SLC1A7: variants seen among roughly 807,000 people sequenced by gnomAD.
SLC1A7 encodes excitatory amino acid transporter 5.
A neutral mutation model predicts 47.7 loss-of-function variants in SLC1A7; 40 were observed. That is an observed-to-expected ratio of 0.84 (90% CI 0.65 to 1.09). The LOEUF (loss-of-function observed/expected upper bound fraction) is 1.09, where lower values mean the gene tolerates loss of function less well. SLC1A7 is among the 50% of genes least tolerant of loss of function. The pLI is 0.00. For missense variants in SLC1A7, 746 were observed against 769.5 expected, an observed-to-expected ratio of 0.97 and a Z score of 0.36; for synonymous variants, 323 against 325.6, an observed-to-expected ratio of 0.99 and a Z score of 0.09.
intron 5 of SLC1A7, among the ~76,000 whole-genome samples, chr1:53,094,096 C>G (rs565546235): frequency 1.3e-5 from 2 of 152,380 alleles, no homozygotes; most frequent in Non-Finnish European, 2.9e-5. Context: ...TTGCAAACTC[C>G]CATTTATTCT....
intron 1 of SLC1A7, among the ~76,000 whole-genome samples, chr1:53,136,519 T>G (rs1336847086): frequency 9.4e-6 from 1 of 106,276 alleles, no homozygotes; most frequent in Non-Finnish European, 2.0e-5. Flanking sequence ...TTAACTTTAG[T>G]CCATATATTT....
At chr1:53,115,709 T>C (rs569671725) in intron 2 of SLC1A7, 1 of 152,262 alleles carries the variant, frequency 6.6e-6, no homozygotes, top group Non-Finnish European at 1.5e-5. Context: ...ATCTGTAAAA[T>C]GGGGACATCT....
At chr1:53,140,012 T>G (rs926009218) in intron 1 of SLC1A7, among the ~76,000 whole-genome samples, 1 of 152,220 alleles carries the variant, frequency 6.6e-6, no homozygotes, top group African/African-American at 2.4e-5. Flanking sequence ...CATTCTACCA[T>G]TTTCCATATT....
chr1:53,114,952 G>A lies in SLC1A7; in HGVS notation c.237C>T (p.Ser79=). 6.2e-7 allele frequency: 1 copy of A among 1,614,000 alleles called. No individual in the cohort carries two copies. Among genetic ancestry groups the A allele is most frequent in the East Asian group, 2.2e-5 (1 of 44,872 alleles). ...VVSSLMSGLA[S]LDAKTSSRLG... is the part of the protein sequence containing the mutation. ...GGCGGCTAGAGGTCTTGGCATCCAGGGAGGCAAGTCCGGACATCAAGCTGG... is the reference window on the plus strand; with the variant it reads ...GGCGGCTAGAGGTCTTGGCATCCAGAGAGGCAAGTCCGGACATCAAGCTGG... Residue 79 remains serine, a synonymous_variant, in exon 3 of 11, where the codon TCC becomes TCT. Transcript: ENST00000371494.
intron 2 of SLC1A7, among the ~76,000 whole-genome samples, chr1:53,126,877 T>C (rs202116260): frequency 2.5e-5 from 3 of 118,896 alleles, no homozygotes; most frequent in South Asian, 5.6e-4. Flanking sequence ...TTTTTTTTTT[T>C]TATGAGATAA....
intron 5 of SLC1A7, among the ~76,000 whole-genome samples, chr1:53,101,524 C>T (rs1049753360): frequency 6.6e-6 from 1 of 151,096 alleles, no homozygotes; most frequent in Admixed American, 6.6e-5. Flanking sequence ...TCAGTACACT[C>T]ACCCTGACTC....
At chr1:53,104,732 C>T (rs1418198598) in intron 4 of SLC1A7, among the ~76,000 whole-genome samples, 1 of 152,242 alleles carries the variant, frequency 6.6e-6, no homozygotes, top group African/African-American at 2.4e-5. Flanking sequence ...ATACCTCAGC[C>T]ACTTCCTTTG....
intron 1 of SLC1A7, among the ~76,000 whole-genome samples, chr1:53,139,035 C>A (rs1037060336): frequency 1.3e-5 from 2 of 152,106 alleles, no homozygotes; most frequent in Non-Finnish European, 2.9e-5. Context: ...CATTAGAGAC[C>A]CCCTTTTCTC....
chr1:53,131,227 G>C (rs1372209199), intron 2 of SLC1A7, among the ~76,000 whole-genome samples: 2 of 152,224 alleles, frequency 1.3e-5, no homozygotes, highest in African/African-American at 4.8e-5. Flanking sequence ...CTTCGTTGCT[G>C]GGTAAAGAAG....
chr1:53,103,484 C>A lies in SLC1A7; in HGVS notation c.559G>T (p.Val187Phe). The change falls in exon 5 of 11, where the codon GTC becomes TTC. Residue 187 changes from valine (V) to phenylalanine (F), a missense_variant. By Grantham distance (50) the Val-to-Phe change is conservative. Transcript: ENST00000371494. ...APPRRILIYG[V>F]QEENGSHVQN... is the part of the protein sequence containing the mutation. ...ACATGGGAGCCATTCTCCTCCTGGA[C>A]CCCGTAGATGAGGATCCGCCGAGGA... 1 of 1,613,256 alleles carries A rather than the reference C, an allele frequency of 6.2e-7. No homozygotes were observed. Among genetic ancestry groups the A allele is most frequent in the Admixed American group, 1.7e-5 (1 of 59,950 alleles).
intron 3 of SLC1A7, among the ~76,000 whole-genome samples, chr1:53,106,862 A>C (rs1572321677): frequency 1.3e-5 from 2 of 152,132 alleles, no homozygotes; most frequent in East Asian, 3.9e-4. Flanking sequence ...AAGTCTTTGA[A>C]AAATGAAACC....
chr1:53,131,916 G>T (rs1305359299), intron 2 of SLC1A7, among the ~76,000 whole-genome samples: 2 of 152,218 alleles, frequency 1.3e-5, no homozygotes, highest in South Asian at 2.1e-4. Context: ...GGCATGAAGG[G>T]GTTGGTGGGG....
At chr1:53,107,762 T>C (rs1644659782) in intron 3 of SLC1A7, among the ~76,000 whole-genome samples, 1 of 152,202 alleles carries the variant, frequency 6.6e-6, no homozygotes. Context: ...TCTGTGTTTG[T>C]TCACTGTTGT....
intron 3 of SLC1A7, among the ~76,000 whole-genome samples, chr1:53,112,035 C>T (rs1049411164): frequency 1.2e-4 from 19 of 152,198 alleles, no homozygotes; most frequent in Non-Finnish European, 2.6e-4. Context: ...GCATCGATGG[C>T]CTCGGTTTGT....
In SLC1A7 at chr1:53,107,122, C is replaced by T. The variant is rs530350461; in HGVS notation, c.432-1348G>A. ...AGGGAGCTGAGATCGCACCACTGCACTCCAGCCTGGGGACAGAGTGAGACT... is the reference window on the plus strand; with the variant it reads ...AGGGAGCTGAGATCGCACCACTGCATTCCAGCCTGGGGACAGAGTGAGACT... On this transcript the variant is annotated intron_variant, in intron 3 of 10. Coordinates refer to ENST00000371494, the MANE Select transcript of SLC1A7 (RefSeq NM_006671.6). Among the ~76,000 whole-genome samples the T allele has an allele frequency of 5.9e-5, 8 of 136,078 alleles. 1 individual carries two copies. The highest frequency in any genetic ancestry group is 7.8e-5 in the Admixed American group (1 of 12,754). The allele number at this position is 136,078 out of a possible 152,430, so 89.3% of individuals were successfully genotyped here.
At chr1:53,133,500 G>A (rs964504280) in intron 2 of SLC1A7, among the ~76,000 whole-genome samples, 4 of 152,136 alleles carry the variant, frequency 2.6e-5, no homozygotes, top group East Asian at 1.9e-4. Context: ...GAGGCAGAAC[G>A]CATGCAGAGG....
At chr1:53,092,419 G>C (rs1644432267) in intron 7 of SLC1A7, 135 bp downstream of exon 7, 4 of 685,372 alleles carry the variant, frequency 5.8e-6, no homozygotes, top group Non-Finnish European at 7.6e-6. Flanking sequence ...CCCAGCACCA[G>C]CCGTCCCCGC....
intron 1 of SLC1A7, among the ~76,000 whole-genome samples, chr1:53,136,635 A>G (rs1394069347): frequency 1.6e-5 from 2 of 122,198 alleles, no homozygotes; most frequent in Admixed American, 9.2e-5. Context: ...TATATAATAT[A>G]TAAAAACATA....
At chr1:53,103,620 A>C in intron 4 of SLC1A7, 52 bp from the exon 5 acceptor site, 1 of 1,081,960 alleles carries the variant, frequency 9.2e-7, no homozygotes. Context: ...GGTTGTTACT[A>C]ATATTAACGA....
Sources: gnomAD v4.1 joint callset for allele counts (sites outside exome capture counted in the v4.1 genomes callset) on GRCh38, gnomAD v4.1.1 for gene constraint, MANE v1.5 for transcripts, NCBI Gene and HGNC (gene_info 2026-07-23, HGNC 2026-07-21) for gene names.